Variants in GRIA4 observed in about 807,000 individuals in gnomAD.
The protein encoded by GRIA4 is glutamate receptor 4.
A neutral mutation model predicts 104.0 loss-of-function variants in GRIA4; 34 were observed. That is an observed-to-expected ratio of 0.33 (90% CI 0.25 to 0.44). The LOEUF (loss-of-function observed/expected upper bound fraction) is 0.44, where lower values mean the gene tolerates loss of function less well. Among genes scored for constraint, GRIA4 ranks in the 20% least tolerant of loss-of-function variants. GRIA4 has a pLI of 1.00. For synonymous variants in GRIA4, 386 were observed against 381.9 expected (o/e 1.01, Z -0.13); for missense variants, 750 against 1,096.5 (o/e 0.68, Z 4.46).
chr11:105,974,237 G>T, intron 15 of GRIA4, 73 bp from the exon 16 acceptor site: 1 of 1,446,638 alleles, frequency 6.9e-7, no homozygotes, highest in South Asian at 1.2e-5. Flanking sequence ...TTGGCTTTTT[G>T]GATTTCATGT....
intron 4 of GRIA4, among the ~76,000 whole-genome samples, chr11:105,841,778 T>C (rs949270242): frequency 6.6e-6 from 1 of 152,062 alleles, no homozygotes; most frequent in Non-Finnish European, 1.5e-5. Context: ...CACACTGAGA[T>C]CTCACTCCAG....
intron 14 of GRIA4, among the ~76,000 whole-genome samples, chr11:105,937,033 T>A (rs551535151): frequency 1.0e-3 from 158 of 152,292 alleles, no homozygotes; most frequent in Non-Finnish European, 1.7e-3. Flanking sequence ...TGATCTGGAA[T>A]CTTTTTTTCA....
chr11:105,859,226 A>G lies in GRIA4; in HGVS notation c.488-2798A>G, dbSNP rs535969364. 4.6e-5 allele frequency among the ~76,000 whole-genome samples: 7 copies of G among 152,326 alleles called. No homozygotes were observed. The East Asian group carries it at 7.7e-4, about 17-fold the overall frequency. On this transcript the variant is annotated intron_variant, in intron 4 of 16. Transcript: ENST00000282499. ...AATGAATAATAAGAGAGCATATTAGAATCAAACATAGCTTATAAAAGAGTA... is the reference window on the plus strand; with the variant it reads ...AATGAATAATAAGAGAGCATATTAGGATCAAACATAGCTTATAAAAGAGTA...
At chr11:105,735,318 C>G (rs1296836450) in intron 3 of GRIA4, among the ~76,000 whole-genome samples, 1 of 152,004 alleles carries the variant, frequency 6.6e-6, no homozygotes, top group Non-Finnish European at 1.5e-5. Flanking sequence ...ACTCGCTTGT[C>G]TTAATCAGCA....
intron 4 of GRIA4, among the ~76,000 whole-genome samples, chr11:105,772,066 C>A (rs896949288): frequency 2.0e-5 from 3 of 152,074 alleles, no homozygotes; most frequent in Non-Finnish European, 4.4e-5. Flanking sequence ...TTCATAGCCA[C>A]CTCCTCTTGC....
At chr11:105,729,448 C>A (rs1024011087) in intron 3 of GRIA4, among the ~76,000 whole-genome samples, 3 of 152,176 alleles carry the variant, frequency 2.0e-5, no homozygotes, top group Non-Finnish European at 4.4e-5. Context: ...GGTGCCATTT[C>A]TTCTGAAACT....
At chr11:105,888,915 G>A (rs1178807783) in intron 6 of GRIA4, among the ~76,000 whole-genome samples, 3 of 151,858 alleles carry the variant, frequency 2.0e-5, no homozygotes, top group South Asian at 2.1e-4. Context: ...TGTTTTAGTA[G>A]AGTGTTTCAC....
intron 3 of GRIA4, among the ~76,000 whole-genome samples, chr11:105,695,872 A>T (rs756541153): frequency 6.6e-6 from 1 of 152,158 alleles, no homozygotes; most frequent in Non-Finnish European, 1.5e-5. Flanking sequence ...ACATCTAAAC[A>T]CATAAAATAT....
intron 3 of GRIA4, among the ~76,000 whole-genome samples, chr11:105,667,899 T>A (rs1317231218): frequency 6.6e-6 from 1 of 151,944 alleles, no homozygotes; most frequent in Non-Finnish European, 1.5e-5. Flanking sequence ...ACATGTGTGT[T>A]ATATATGTAT....
At chr11:105,652,081 GA>G (rs1951700008) in intron 3 of GRIA4, among the ~76,000 whole-genome samples, 1 of 152,030 alleles carries the variant, frequency 6.6e-6, no homozygotes, top group African/African-American at 2.4e-5. Flanking sequence ...TACAGTTACT[GA>G]AAAACCCTTA....
chr11:105,699,164 T>C (rs1323099311), intron 3 of GRIA4, among the ~76,000 whole-genome samples: 1 of 152,232 alleles, frequency 6.6e-6, no homozygotes, highest in East Asian at 1.9e-4. Context: ...CTTTCAGTTA[T>C]CTATTCATTC....
intron 3 of GRIA4, among the ~76,000 whole-genome samples, chr11:105,684,234 C>T (rs1414670239): frequency 6.6e-6 from 1 of 152,030 alleles, no homozygotes; most frequent in African/African-American, 2.4e-5. Flanking sequence ...AGACAAGTAA[C>T]AGAAGTATGA....
chr11:105,901,243 GCT>G (rs1946845236), intron 7 of GRIA4, among the ~76,000 whole-genome samples: 1 of 151,860 alleles, frequency 6.6e-6, no homozygotes, highest in African/African-American at 2.4e-5. Flanking sequence ...ATTTCATTTT[GCT>G]CTGTTTTATA....
At chr11:105,879,834 T>C (rs1217181907) in intron 5 of GRIA4, among the ~76,000 whole-genome samples, 1 of 152,226 alleles carries the variant, frequency 6.6e-6, no homozygotes, top group African/African-American at 2.4e-5. Context: ...ATATATTTTA[T>C]TCATTTTTCT....
intron 3 of GRIA4, among the ~76,000 whole-genome samples, chr11:105,638,600 T>C (rs190423152): frequency 1.4e-3 from 220 of 152,192 alleles, no homozygotes; most frequent in African/African-American, 5.1e-3. Flanking sequence ...TAGCAGTGCA[T>C]ATTTGCACTC....
chr11:105,770,768 A>T (rs976887011), intron 4 of GRIA4, among the ~76,000 whole-genome samples: 5 of 151,988 alleles, frequency 3.3e-5, no homozygotes, highest in African/African-American at 1.2e-4. Context: ...TATCAGCTGG[A>T]CTTTCTCTAC....
chr11:105,629,078 C>CAAA (rs33935142), intron 3 of GRIA4, among the ~76,000 whole-genome samples: 56,359 of 131,878 alleles, frequency 0.43, 13,146 homozygotes, highest in Non-Finnish European at 0.52. Context: ...ACTTCTCCAC[C>CAAA]AAAAAAAAAA....
chr11:105,923,459 A>G (rs1301530628), intron 11 of GRIA4, among the ~76,000 whole-genome samples: 1 of 152,150 alleles, frequency 6.6e-6, no homozygotes, highest in Non-Finnish European at 1.5e-5. Flanking sequence ...AATGATAAAC[A>G]TATGATTCTT....
chr11:105,808,123 A>G (rs1315178831), intron 4 of GRIA4, among the ~76,000 whole-genome samples: 1 of 151,964 alleles, frequency 6.6e-6, no homozygotes, highest in Non-Finnish European at 1.5e-5. Context: ...TGTGTGTGTT[A>G]AAAATCTTTT....
Sources: allele counts gnomAD v4.1 joint callset (sites outside exome capture counted in the v4.1 genomes callset), GRCh38; gene constraint gnomAD v4.1.1; transcripts MANE v1.5; gene names NCBI Gene and HGNC (gene_info 2026-07-23, HGNC 2026-07-21).